The following MRC1 variants were observed in gnomAD, a reference collection of about 807,000 sequenced individuals.
MRC1 encodes mannose receptor C-type 1.
A neutral mutation model predicts 102.9 loss-of-function variants in MRC1; 62 were observed. That is an observed-to-expected ratio of 0.60 (90% CI 0.49 to 0.74). MRC1 has a LOEUF of 0.74. Ranked by LOEUF, MRC1 falls within the 30% of genes least tolerant of loss-of-function variation. The probability of loss-of-function intolerance (pLI) is 0.00; values close to 1 mark genes in which losing one functional copy is unlikely to be tolerated. For missense variants in MRC1, 1,237 were observed against 862.8 expected (o/e 1.43, Z -5.43); for synonymous variants, 457 against 298.4 (o/e 1.53, Z -5.48).
intron 5 of MRC1, among the ~76,000 whole-genome samples, chr10:17,843,476 G>A (rs1838779965): frequency 6.6e-6 from 1 of 152,076 alleles, no homozygotes; most frequent in African/African-American, 2.4e-5. Context: ...GACCAGCCTG[G>A]TCAAGATGGT....
rs975396823 is a variant in MRC1, at chr10:17,844,996, A to G, written c.917-293A>G. On this transcript the variant is annotated intron_variant, in intron 5 of 29. Coordinates refer to ENST00000569591, the MANE Select transcript of MRC1 (RefSeq NM_002438.4). ...ATGTAATCCGTTGTGACAACTGTTC[A>G]AGTTTTAAGGTGTAGCTTTATTAGC... The G allele has an allele frequency of 3.3e-5, 21 of 628,758 alleles. No homozygotes were observed. The African/African-American group carries it at 3.7e-4, about 11-fold the overall frequency. 38.9% of individuals were successfully genotyped at this position (628,758 alleles called of 1,614,324 possible).
rs968255434 is a variant in MRC1 at position 17,885,028 on chromosome 10, G to A, written c.2981-241G>A. 6.0e-4 allele frequency among the ~76,000 whole-genome samples: 91 copies of A among 152,340 alleles called. 1 individual carries two copies. The highest frequency in any genetic ancestry group is 3.4e-3 in the Middle Eastern group (1 of 294). ...CTTGGGCAGGGTGCAACTTGCACAA[G>A]TGTCTTCAGTGGCCTAGATAAAACC... On this transcript the variant is annotated intron_variant, in intron 21 of 29. Transcript: ENST00000569591.
At chr10:17,903,150 A>G (rs890740017) in intron 26 of MRC1, among the ~76,000 whole-genome samples, 4 of 152,184 alleles carry the variant, frequency 2.6e-5, no homozygotes, top group Middle Eastern at 3.4e-3. Context: ...TAGACAGCAC[A>G]TAGTTGGATC....
At chr10:17,903,659 G>C (rs912104504) in intron 26 of MRC1, among the ~76,000 whole-genome samples, 4 of 151,894 alleles carry the variant, frequency 2.6e-5, no homozygotes, top group Non-Finnish European at 5.9e-5. Context: ...GCTTCCCAAA[G>C]TACTGGGATT....
chr10:17,894,618 T>C (rs1296015322), intron 23 of MRC1, among the ~76,000 whole-genome samples: 3 of 151,878 alleles, frequency 2.0e-5, no homozygotes, highest in Non-Finnish European at 4.4e-5. Flanking sequence ...AGGCTGGTCT[T>C]GAACTCCTGA....
intron 24 of MRC1, 70 bp downstream of exon 24, chr10:17,898,336 T>C (rs1436309754): frequency 6.4e-6 from 5 of 780,214 alleles, no homozygotes; most frequent in Admixed American, 1.7e-5. Flanking sequence ...TATCTTTCTG[T>C]TTGTTCTGTT....
At position 17,867,639 on chromosome 10, in the gene MRC1, T is replaced by C. The variant is rs1025813859; in HGVS notation, c.1983+878T>C. Among the ~76,000 whole-genome samples, 9 of 152,226 alleles carry C rather than the reference T, an allele frequency of 5.9e-5. No homozygotes were observed. In the East Asian group the frequency reaches 1.7e-3, roughly 29 times the overall value. On this transcript the variant is annotated intron_variant, in intron 12 of 29. Transcript: ENST00000569591. Reference sequence around the variant, plus strand: ...GGTCTCACTATGTTGCCCAGGCTAGTCTCAAACTCCTCGTGTCAATTGATC... The same window carrying C: ...GGTCTCACTATGTTGCCCAGGCTAGCCTCAAACTCCTCGTGTCAATTGATC...
rs1330480044 is a variant in MRC1 at position 17,910,711 on chromosome 10, G to A, written c.*246G>A. 2 of 529,282 alleles carry A rather than the reference G, an allele frequency of 3.8e-6. No homozygotes were observed. The highest frequency in any genetic ancestry group is 3.8e-5 in the African/African-American group (2 of 52,264). 32.8% of individuals were successfully genotyped at this position (529,282 alleles called of 1,614,324 possible). ...TTTTAGATAAATGCACAGCACCACA[G>A]CACCACATCTAAGCATTAGTGATGG... On this transcript the variant is annotated 3_prime_UTR_variant, in exon 30 of 30. Coordinates refer to ENST00000569591, the MANE Select transcript of MRC1 (RefSeq NM_002438.4).
Position 17,879,912 on chromosome 10 carries a change from A to T in MRC1, c.2719+91A>T, listed in dbSNP as rs974756967. 126 of 778,134 alleles carry T rather than the reference A, an allele frequency of 1.6e-4. 1 individual carries two copies. Among genetic ancestry groups the T allele is most frequent in the African/African-American group, 1.1e-3 (65 of 59,126 alleles). The allele number at this position is 778,134 out of a possible 1,614,324, so 48.2% of individuals were successfully genotyped here. The stretch of plus-strand genomic sequence containing the variant: ...TAAAAGTAGCAAGTTGTGTGCTTAC[A>T]TCAGACAAGATAAGAAGAGAGAATA... On this transcript the variant is annotated intron_variant, in intron 19 of 29. Transcript: ENST00000569591.
At chr10:17,891,868 A>G (rs1554843139) in intron 22 of MRC1, among the ~76,000 whole-genome samples, 1 of 152,130 alleles carries the variant, frequency 6.6e-6, no homozygotes, top group African/African-American at 2.4e-5. Context: ...GGGAGCCCCA[A>G]GGATATGGTG....
rs1449466456 is a variant in MRC1, at chr10:17,910,900, A to G, written c.*435A>G. Reference sequence around the variant, plus strand: ...ACAAATTTCCTCAAGTGGCATAAAAATGTAGTCAGTTTTCTCTTTTACCAG... The same window carrying G: ...ACAAATTTCCTCAAGTGGCATAAAAGTGTAGTCAGTTTTCTCTTTTACCAG... On this transcript the variant is annotated 3_prime_UTR_variant, in exon 30 of 30. Coordinates refer to ENST00000569591, the MANE Select transcript of MRC1 (RefSeq NM_002438.4). 5.6e-6 allele frequency: 1 copy of G among 178,262 alleles called. No individual in the cohort carries two copies. Among genetic ancestry groups the G allele is most frequent in the Non-Finnish European group, 1.2e-5 (1 of 82,742 alleles). The allele number at this position is 178,262 out of a possible 1,614,324, so 11.0% of individuals were successfully genotyped here.
chr10:17,812,492 T>C (rs1336456503), intron 1 of MRC1, among the ~76,000 whole-genome samples: 1 of 151,964 alleles, frequency 6.6e-6, no homozygotes, highest in East Asian at 1.9e-4. Flanking sequence ...CTGTAAATAT[T>C]CCCACCATGG....
Position 17,875,409 on chromosome 10 carries a change from C to T in MRC1, c.2550+156C>T, listed in dbSNP as rs965520593. Among the ~76,000 whole-genome samples, 57 of 152,266 alleles carry T rather than the reference C, an allele frequency of 3.7e-4. No individual in the cohort carries two copies. The South Asian group carries it at 6.6e-3, about 18-fold the overall frequency. On this transcript the variant is annotated intron_variant, in intron 17 of 29. Transcript: ENST00000569591. ...GTACTGAATGTGTAGTCTTTTATCC[C>T]TCACAACCTTCTTACCTGTCCCTGC...
At chr10:17,838,807 G>A (rs1363671964) in intron 4 of MRC1, among the ~76,000 whole-genome samples, 1 of 152,086 alleles carries the variant, frequency 6.6e-6, no homozygotes, top group Non-Finnish European at 1.5e-5. Flanking sequence ...GACCCCAACT[G>A]TACAAAAAAA....
chr10:17,829,711 T>G (rs1430119681), intron 3 of MRC1, among the ~76,000 whole-genome samples: 1 of 151,538 alleles, frequency 6.6e-6, no homozygotes, highest in East Asian at 1.9e-4. Context: ...TTCATGGACT[T>G]TCTTAAGGGT....
chr10:17,854,515 G>A (rs964428754), intron 8 of MRC1, among the ~76,000 whole-genome samples: 11 of 152,046 alleles, frequency 7.2e-5, no homozygotes, highest in East Asian at 5.8e-4. Context: ...AGTCAGAGCC[G>A]GAAGGGTGGG....
chr10:17,861,346 T>C, intron 9 of MRC1, 41 bp from the exon 10 acceptor site: 4 of 826,234 alleles, frequency 4.8e-6, no homozygotes, highest in South Asian at 2.7e-5. Flanking sequence ...TATATATGCA[T>C]GAACTCTGCT....
At chr10:17,854,396 T>G (rs1392511990) in intron 8 of MRC1, among the ~76,000 whole-genome samples, 2 of 152,232 alleles carry the variant, frequency 1.3e-5, no homozygotes, top group African/African-American at 2.4e-5. Flanking sequence ...TTGTGATGGA[T>G]TGAAAGTTTA....
intron 1 of MRC1, among the ~76,000 whole-genome samples, chr10:17,817,376 A>T (rs1361840859): frequency 1.3e-5 from 2 of 151,848 alleles, no homozygotes; most frequent in African/African-American, 2.4e-5. Flanking sequence ...GTCTTTAATC[A>T]TTTTTAACCT....
Sources: gnomAD v4.1 joint callset for allele counts (sites outside exome capture counted in the v4.1 genomes callset) on GRCh38, gnomAD v4.1.1 for gene constraint, MANE v1.5 for transcripts, NCBI Gene and HGNC (gene_info 2026-07-23, HGNC 2026-07-21) for gene names.